The following CCNY variants were observed in gnomAD, a reference collection of about 807,000 sequenced individuals.
CCNY encodes cyclin-Y.
In CCNY, 19 loss-of-function variants were observed where a neutral mutation model predicts 42.8. The ratio of observed to expected loss-of-function variants is 0.44; its 90% CI spans 0.31 to 0.65. CCNY has a LOEUF of 0.65. Among genes scored for constraint, CCNY ranks in the 30% least tolerant of loss-of-function variants. CCNY has a pLI of 0.07. For missense variants in CCNY, 370 were observed against 437.3 expected, an observed-to-expected ratio of 0.85 and a Z score of 1.37; for synonymous variants, 165 against 162.7, an observed-to-expected ratio of 1.01 and a Z score of -0.11.
chr10:35,455,744 T>A (rs2135320384), intron 1 of CCNY, among the ~76,000 whole-genome samples: 1 of 151,974 alleles, frequency 6.6e-6, no homozygotes, highest in African/African-American at 2.4e-5. Context: ...TGAACATTAT[T>A]TATGTGGTTA....
chr10:35,336,584 C>T lies in CCNY; in HGVS notation c.-470C>T, dbSNP rs1316925976. 6.8e-6 allele frequency among the ~76,000 whole-genome samples: 1 copy of T among 147,972 alleles called. No homozygotes were observed. Among genetic ancestry groups the T allele is most frequent in the Non-Finnish European group, 1.5e-5 (1 of 66,518 alleles). On this transcript the variant is annotated 5_prime_UTR_variant, in exon 1 of 10. Transcript: ENST00000374704. Reference sequence around the variant, plus strand: ...CCACGCCCGCTGCCCGCCCGCTCGTCGGCTAGTCCCGCCGTCCGGCGCGGA... The same window carrying T: ...CCACGCCCGCTGCCCGCCCGCTCGTTGGCTAGTCCCGCCGTCCGGCGCGGA...
rs540754304 is a variant in CCNY, at chr10:35,452,004, T to A, written c.155-31400T>A. Among the ~76,000 whole-genome samples the A allele has an allele frequency of 5.9e-5, 9 of 152,358 alleles. No homozygotes were observed. In the East Asian group the frequency reaches 1.3e-3, roughly 23 times the overall value. ...AGTATTTAATATGACACTTTTTTTT[T>A]ATTCTTTAATAGTTCAAATAGTAAT... On this transcript the variant is annotated intron_variant, in intron 1 of 9. Transcript: ENST00000374704.
At chr10:35,368,236 C>G (rs1252306258) in intron 1 of CCNY, among the ~76,000 whole-genome samples, 3 of 152,170 alleles carry the variant, frequency 2.0e-5, no homozygotes, top group Admixed American at 2.0e-4. Context: ...TTCGGTGAGT[C>G]TTGTTCAGTT....
intron 1 of CCNY, among the ~76,000 whole-genome samples, chr10:35,383,842 G>A (rs964973834): frequency 2.0e-5 from 3 of 152,060 alleles, no homozygotes; most frequent in African/African-American, 7.2e-5. Context: ...TATCAACTAA[G>A]ATTGGGAAAA....
chr10:35,542,424 T>A (rs1342950361), intron 7 of CCNY, among the ~76,000 whole-genome samples: 1 of 152,192 alleles, frequency 6.6e-6, no homozygotes, highest in Admixed American at 6.5e-5. Flanking sequence ...GTCAGGTTTC[T>A]CTGCTTTGTA....
chr10:35,336,949 G>A lies in CCNY; in HGVS notation c.-105G>A, dbSNP rs1255925059. The A allele has an allele frequency of 2.3e-6, 2 of 858,876 alleles. No individual in the cohort carries two copies. Among genetic ancestry groups the A allele is most frequent in the Non-Finnish European group, 3.0e-6 (2 of 672,764 alleles). 53.2% of individuals were successfully genotyped at this position (858,876 alleles called of 1,614,324 possible). ...CCCCCTCCCGTGGCGGCGAGCGGGCGGGCCTCCCCACACGCCCCCGCCGCC... is the reference window on the plus strand; with the variant it reads ...CCCCCTCCCGTGGCGGCGAGCGGGCAGGCCTCCCCACACGCCCCCGCCGCC... On this transcript the variant is annotated 5_prime_UTR_variant, in exon 1 of 10. Coordinates refer to ENST00000374704, the MANE Select transcript of CCNY (RefSeq NM_145012.6).
intron 3 of CCNY, 129 bp from the exon 4 acceptor site, chr10:35,516,392 GGT>G: frequency 1.5e-6 from 1 of 686,898 alleles, no homozygotes; most frequent in Non-Finnish European, 2.6e-6. Flanking sequence ...TGTTCTTGGT[GGT>G]AATGTTGACA....
chr10:35,556,466 A>G (rs1469372858), intron 8 of CCNY, among the ~76,000 whole-genome samples: 1 of 152,208 alleles, frequency 6.6e-6, no homozygotes, highest in Admixed American at 6.5e-5. Context: ...TTTGAGAGCC[A>G]CTGTGATCCA....
At chr10:35,543,839 G>A (rs952930221) in intron 7 of CCNY, among the ~76,000 whole-genome samples, 4 of 152,126 alleles carry the variant, frequency 2.6e-5, no homozygotes, top group Non-Finnish European at 4.4e-5. Flanking sequence ...ATATGGAGGC[G>A]GAAAACAGCG....
At chr10:35,396,871 G>T (rs973275374) in intron 1 of CCNY, among the ~76,000 whole-genome samples, 1 of 152,178 alleles carries the variant, frequency 6.6e-6, no homozygotes, top group Admixed American at 6.5e-5. Context: ...TGGCTTGCAG[G>T]ATTCCTCTAA....
intron 1 of CCNY, among the ~76,000 whole-genome samples, chr10:35,452,128 T>TG (rs1160711926): frequency 6.6e-6 from 1 of 152,240 alleles, no homozygotes; most frequent in East Asian, 1.9e-4. Context: ...CTGCCTTTTT[T>TG]GCTGTTGAGT....
chr10:35,432,867 G>A (rs958377626), intron 1 of CCNY, among the ~76,000 whole-genome samples: 4 of 152,342 alleles, frequency 2.6e-5, no homozygotes, highest in African/African-American at 4.8e-5. Flanking sequence ...AGGGCTCAGT[G>A]TGTTCCTTTG....
chr10:35,483,439 C>T lies in CCNY; in HGVS notation c.190C>T (p.Arg64Trp), dbSNP rs754812038. The T allele has an allele frequency of 5.0e-6, 8 of 1,608,776 alleles. No individual in the cohort carries two copies. Among genetic ancestry groups the T allele is most frequent in the Admixed American group, 3.4e-5 (2 of 59,494 alleles). Residue 64 changes from arginine to tryptophan, a missense_variant, in exon 2 of 10, where the codon CGG becomes TGG. Arg to Trp is a moderately radical substitution (Grantham distance 101). Around this residue, in one of 2 missense-constraint regions of CCNY, gnomAD observed 136 missense variants for 124.2 expected, o/e 1.09. Transcript: ENST00000374704. Reference protein sequence around the residue: ...NMEFNPSDHPRASTIFLSKSQ... With the variant: ...NMEFNPSDHPWASTIFLSKSQ... ...GGAATTCAATCCTTCAGATCATCCT[C>T]GGGCCAGCACAATATTCCTCAGTAA... is the stretch of plus-strand genomic sequence containing the variant.
At chr10:35,333,757 A>G (rs1835974051), upstream of CCNY, among the ~76,000 whole-genome samples, 1 of 152,180 alleles carries the variant, frequency 6.6e-6, no homozygotes, top group Admixed American at 6.5e-5. Context: ...CATTACTATC[A>G]TTTTGACATC....
At chr10:35,247,354 G>A (rs2095708718) in intron 1 of CCNY, among the ~76,000 whole-genome samples, 1 of 152,206 alleles carries the variant, frequency 6.6e-6, no homozygotes, top group Non-Finnish European at 1.5e-5. Context: ...AGCACTTTGG[G>A]AGGCTGAGGT....
intron 3 of CCNY, among the ~76,000 whole-genome samples, chr10:35,273,203 T>C (rs1159959876): frequency 2.6e-5 from 4 of 152,030 alleles, no homozygotes; most frequent in Admixed American, 6.6e-5. Flanking sequence ...TCATTCTTAA[T>C]TAACTTTTTT....
intron 1 of CCNY, among the ~76,000 whole-genome samples, chr10:35,448,075 G>T (rs1250444534): frequency 6.6e-6 from 1 of 152,148 alleles, no homozygotes; most frequent in Non-Finnish European, 1.5e-5. Flanking sequence ...GAAGGAGACC[G>T]CCTTCACTGT....
chr10:35,270,480 T>A (rs1328863644), intron 3 of CCNY, among the ~76,000 whole-genome samples: 1 of 152,218 alleles, frequency 6.6e-6, no homozygotes, highest in East Asian at 1.9e-4. Flanking sequence ...TCAGGGTTGA[T>A]AAACTAATTG....
chr10:35,372,722 G>A (rs1235347443), intron 1 of CCNY, among the ~76,000 whole-genome samples: 2 of 152,150 alleles, frequency 1.3e-5, no homozygotes, highest in African/African-American at 4.8e-5. Flanking sequence ...ATTTTGAGAC[G>A]GAGTTTCACT....
Sources: allele counts gnomAD v4.1 joint callset (sites outside exome capture counted in the v4.1 genomes callset), GRCh38; gene constraint gnomAD v4.1.1; regional missense constraint gnomAD v4.1.1; transcripts MANE v1.5; gene names NCBI Gene and HGNC (gene_info 2026-07-23, HGNC 2026-07-21).